Variants in TSPAN32 observed in about 807,000 individuals in gnomAD.
TSPAN32 encodes the protein tetraspanin 32.
TSPAN32 carries 47 observed loss-of-function variants against 42.7 expected under a neutral mutation model. The ratio of observed to expected loss-of-function variants is 1.10; its 90% CI spans 0.87 to 1.40. TSPAN32 has a LOEUF of 1.40. Among genes scored for constraint, TSPAN32 ranks in the 40% most tolerant of loss-of-function variants. The pLI is 0.00. For synonymous variants in TSPAN32, 175 were observed against 175.9 expected, an observed-to-expected ratio of 0.99 and a Z score of 0.04; for missense variants, 469 against 424.1, an observed-to-expected ratio of 1.11 and a Z score of -0.93.
At chr11:2,315,024 G>T (rs181787947) in intron 6 of TSPAN32, 1 of 283,582 alleles carries the variant, frequency 3.5e-6, no homozygotes, top group Non-Finnish European at 6.5e-6. Context: ...AGGGCACTCA[G>T]AGGAGAAGAA....
At chr11:2,302,705 C>T in intron 1 of TSPAN32, 139 bp from the exon 2 acceptor site, 2 of 695,744 alleles carry the variant, frequency 2.9e-6, no homozygotes, top group Non-Finnish European at 4.9e-6. Flanking sequence ...TCCACGGAAA[C>T]ACCGGGAATC....
At position 2,304,724 on chromosome 11, in the gene TSPAN32, C is replaced by T. The variant is rs1453797621; in HGVS notation, c.279+520C>T. On this transcript the variant is annotated intron_variant, in intron 3 of 9. Coordinates refer to ENST00000182290, the MANE Select transcript of TSPAN32 (RefSeq NM_139022.3). The surrounding 1 kb of genome is among the most constrained non-coding windows in gnomAD (Gnocchi z 4.8). ...AGCTGCCGGAGGTGTCTCCCCAGCC[C>T]CGAGGTCCCATAGGCCCCTCCACCC... Among the ~76,000 whole-genome samples the T allele has an allele frequency of 3.3e-5, 5 of 152,090 alleles. No individual in the cohort carries two copies. Among genetic ancestry groups the T allele is most frequent in the African/African-American group, 1.2e-4 (5 of 41,422 alleles).
In TSPAN32 at chr11:2,313,801, G is replaced by A. The variant is rs1848621064; in HGVS notation, c.456+46G>A. On this transcript the variant is annotated intron_variant, in intron 5 of 9. Coordinates refer to ENST00000182290, the MANE Select transcript of TSPAN32 (RefSeq NM_139022.3). The surrounding 1 kb of genome is among the most constrained non-coding windows in gnomAD (Gnocchi z 9.1). The stretch of plus-strand genomic sequence containing the variant: ...GTGGCAGGGCGGTCAGCTTCTGCTT[G>A]GACTGCAGTTCAGAGAACAGGCGCA... The A allele has an allele frequency of 6.8e-7, 1 of 1,460,042 alleles. No individual in the cohort carries two copies. The highest frequency in any genetic ancestry group is 1.9e-5 in the Admixed American group (1 of 51,522). 90.4% of individuals were successfully genotyped at this position (1,460,042 alleles called of 1,614,324 possible).
At chr11:2,316,039 C>G in intron 6 of TSPAN32, 190 bp from the exon 7 acceptor site, 1 of 1,534,496 alleles carries the variant, frequency 6.5e-7, no homozygotes, top group Non-Finnish European at 8.7e-7. Context: ...CCCTGTCCCA[C>G]TGGGCTTCAC....
chr11:2,312,712 T>C (rs978763935), intron 4 of TSPAN32, among the ~76,000 whole-genome samples: 2 of 152,100 alleles, frequency 1.3e-5, no homozygotes, highest in Admixed American at 6.5e-5. Flanking sequence ...AGGGCAGGTG[T>C]GAGTGGCTAG....
Position 2,313,746 on chromosome 11 carries a change from C to G in TSPAN32, c.447C>G (p.Ile149Met). ...SHVRRQELAA[I>M]QDVFLCCGKK... ...TCCGGCGGCAGGAGCTGGCGGCCAT[C>G]CAGGACGTGGTGAGCGTGGGGACGG... The change falls in exon 5 of 10, where the codon ATC becomes ATG. Residue 149 changes from isoleucine to methionine, a missense_variant. By Grantham distance (10) the Ile-to-Met change is conservative. Transcript: ENST00000182290. This position sits in a 1 kb window ranked among gnomAD's most constrained non-coding sequence, Gnocchi z 9.1. 6.3e-7 allele frequency: 1 copy of G among 1,597,536 alleles called. No individual in the cohort carries two copies. Among genetic ancestry groups the G allele is most frequent in the Non-Finnish European group, 8.5e-7 (1 of 1,174,496 alleles).
In TSPAN32 at chr11:2,304,111, C is replaced by T. The variant is rs1847926142; in HGVS notation, c.186C>T (p.Phe62=). 6.3e-7 allele frequency: 1 copy of T among 1,580,204 alleles called. No individual in the cohort carries two copies. The highest frequency in any genetic ancestry group is 8.6e-7 in the Non-Finnish European group (1 of 1,163,018). Residue 62 remains phenylalanine, a synonymous_variant, in exon 3 of 10, where the codon TTC becomes TTT. Transcript: ENST00000182290. The surrounding 1 kb of genome is among the most constrained non-coding windows in gnomAD (Gnocchi z 4.8). The part of the protein sequence containing the change: ...NPYQAVHQWA[F]SAGLSLVGLL... Reference sequence around the variant, plus strand: ...CTCCTCTCTCCTCCCAACCAGCCTTCTCTGCGGGGTTGAGCCTGGTGGGCC... The same window carrying T: ...CTCCTCTCTCCTCCCAACCAGCCTTTTCTGCGGGGTTGAGCCTGGTGGGCC...
intron 4 of TSPAN32, among the ~76,000 whole-genome samples, chr11:2,312,438 G>A (rs1848516051): frequency 6.6e-6 from 1 of 152,238 alleles, no homozygotes. Flanking sequence ...GGCACTGCGG[G>A]GAGGACAAGG....
At chr11:2,302,746 G>A (rs1184828648) in intron 1 of TSPAN32, 98 bp from the exon 2 acceptor site, 9 of 949,160 alleles carry the variant, frequency 9.5e-6, no homozygotes, top group South Asian at 4.5e-5. Flanking sequence ...TCACGGGACC[G>A]GGAAGCTGGA....
intron 4 of TSPAN32, among the ~76,000 whole-genome samples, chr11:2,312,243 GAGGTCCGA>G (rs747415418): frequency 1.3e-5 from 2 of 152,232 alleles, no homozygotes; most frequent in African/African-American, 2.4e-5. Context: ...AGCAGGAGGG[GAGGTCCGA>G]GCCAACCCCC....
rs1293515516 is a variant in TSPAN32 at position 2,314,345 on chromosome 11, G to C, written c.457-140G>C. 4.2e-6 allele frequency: 3 copies of C among 720,990 alleles called. No homozygotes were observed. The African/African-American group carries it at 5.2e-5, about 13-fold the overall frequency. 44.7% of individuals were successfully genotyped at this position (720,990 alleles called of 1,614,324 possible). A position where few individuals can be genotyped will look rare whatever the true frequency, so the allele number is the denominator to read the frequency against. On this transcript the variant is annotated intron_variant, in intron 5 of 9. Coordinates refer to ENST00000182290, the MANE Select transcript of TSPAN32 (RefSeq NM_139022.3). Reference sequence around the variant, plus strand: ...AATGGCTGGAGCCCCAGCAGAAGCAGCTGCAATACCAGTAGCCCCAGCCCT... The same window carrying C: ...AATGGCTGGAGCCCCAGCAGAAGCACCTGCAATACCAGTAGCCCCAGCCCT...
chr11:2,302,617 T>C (rs1847821116), intron 1 of TSPAN32: 3 of 575,318 alleles, frequency 5.2e-6, no homozygotes, highest in Non-Finnish European at 9.3e-6. Context: ...GAAGCTGGGC[T>C]GTGCGTGTAT....
chr11:2,302,341 C>A, intron 1 of TSPAN32, 126 bp downstream of exon 1: 2 of 1,086,678 alleles, frequency 1.8e-6, no homozygotes, highest in Non-Finnish European at 2.4e-6. Context: ...CCCTGTCCTG[C>A]CCTTGCAGAC....
At chr11:2,302,794 G>T in intron 1 of TSPAN32, 50 bp from the exon 2 acceptor site, 1 of 1,527,418 alleles carries the variant, frequency 6.5e-7, no homozygotes, top group South Asian at 1.1e-5. Flanking sequence ...CGAGCTCCCT[G>T]CTCCTGCAGC....
intron 3 of TSPAN32, among the ~76,000 whole-genome samples, chr11:2,306,065 T>TGTGTGTGTGTGTGTGA: frequency 6.6e-6 from 1 of 151,998 alleles, no homozygotes; most frequent in East Asian, 1.9e-4. Flanking sequence ...TGTGTGTGTG[T>TGTGTGTGTGTGTGTGA]GTGTGTAAGT....
At chr11:2,315,382 G>A (rs905941337) in intron 6 of TSPAN32, 1 of 1,139,220 alleles carries the variant, frequency 8.8e-7, no homozygotes, top group Non-Finnish European at 1.1e-6. Flanking sequence ...GGAGGGACCA[G>A]CGGCATTGGG....
At position 2,318,190 on chromosome 11, in the gene TSPAN32, G is replaced by A; in HGVS notation, c.*266G>A. The A allele has an allele frequency of 2.2e-6, 1 of 453,628 alleles. No individual in the cohort carries two copies. The highest frequency in any genetic ancestry group is 3.9e-6 in the Non-Finnish European group (1 of 257,610). 28.1% of individuals were successfully genotyped at this position (453,628 alleles called of 1,614,324 possible). A position where few individuals can be genotyped will look rare whatever the true frequency, so the allele number is the denominator to read the frequency against. ...TGGCATTAAATACATTCACATTGTTGTGCAACCATCACCACCATCTATCTC... is the reference window on the plus strand; with the variant it reads ...TGGCATTAAATACATTCACATTGTTATGCAACCATCACCACCATCTATCTC... On this transcript the variant is annotated 3_prime_UTR_variant, in exon 10 of 10. Coordinates refer to ENST00000182290, the MANE Select transcript of TSPAN32 (RefSeq NM_139022.3). The surrounding 1 kb of genome is among the most constrained non-coding windows in gnomAD (Gnocchi z 4.2).
At chr11:2,303,607 C>T in intron 2 of TSPAN32, 1 of 164,086 alleles carries the variant, frequency 6.1e-6, no homozygotes, top group Non-Finnish European at 1.4e-5. Context: ...GAAACTGAGG[C>T]CCAGGAGGTC....
At chr11:2,303,051 G>C (rs1847858597) in intron 2 of TSPAN32, 93 bp downstream of exon 2, 1 of 1,201,388 alleles carries the variant, frequency 8.3e-7, no homozygotes. Context: ...AGCCAGAATG[G>C]TGCCAGGCCC....
Sources: gnomAD v4.1 joint callset for allele counts (sites outside exome capture counted in the v4.1 genomes callset) on GRCh38, gnomAD v4.1.1 for gene constraint, Gnocchi (gnomAD v3.1) non-coding constraint, MANE v1.5 for transcripts, NCBI Gene and HGNC (gene_info 2026-07-23, HGNC 2026-07-21) for gene names.